CABIN1: variants seen among roughly 807,000 people sequenced by gnomAD.
The protein encoded by CABIN1 is calcineurin-binding protein cabin-1.
CABIN1 carries 133 observed loss-of-function variants against 227.7 expected under a neutral mutation model. That is an observed-to-expected ratio of 0.58 (90% confidence interval 0.51 to 0.67). CABIN1 has a LOEUF of 0.67. Among genes scored for constraint, CABIN1 ranks in the 30% least tolerant of loss-of-function variants. The probability of loss-of-function intolerance (pLI) is 0.00; values close to 1 mark genes in which losing one functional copy is unlikely to be tolerated. For missense variants in CABIN1, 2,408 were observed against 2,852.5 expected (o/e 0.84, Z 3.55); for synonymous variants, 1,086 against 1,155.1 (o/e 0.94, Z 1.21).
intron 3 of CABIN1, among the ~76,000 whole-genome samples, 198 bp from the exon 4 acceptor site, chr22:24,038,150 T>C (rs184202494): frequency 4.6e-5 from 7 of 152,350 alleles, no homozygotes; most frequent in Admixed American, 2.0e-4. Context: ...TAGGCATGAT[T>C]GATTAAATCA....
rs767931179 is a variant in CABIN1, at chr22:24,067,042, G to A, written c.2093G>A (p.Arg698Gln). Residue 698 changes from arginine to glutamine, a missense_variant, in exon 16 of 37, where the codon CGG (arginine) becomes CAG (glutamine). By Grantham distance (43) the Arg-to-Gln change is conservative. Coordinates refer to ENST00000263119, the MANE Select transcript of CABIN1 (RefSeq NM_012295.4). ...TGCCAGTCCCTGGAGGAGATTCAGCGGCTGTATGAAGCAGGCGACTACAAG... is the reference window on the plus strand; with the variant it reads ...TGCCAGTCCCTGGAGGAGATTCAGCAGCTGTATGAAGCAGGCGACTACAAG... ...ERCQSLEEIQ[R>Q]LYEAGDYKAV... 189 of 1,614,202 alleles carry A rather than the reference G, an allele frequency of 1.2e-4. No individual in the cohort carries two copies. Among genetic ancestry groups the A allele is most frequent in the East Asian group, 4.9e-4 (22 of 44,880 alleles).
chr22:24,178,043 C>G lies in CABIN1; in HGVS notation c.6520-10C>G. On this transcript the variant is annotated splice_polypyrimidine_tract_variant and intron_variant, in intron 36 of 36. Transcript: ENST00000263119. Reference sequence around the variant, plus strand: ...TCCTTGACCAGTGCCCCGCCCGGCCCTCTCCGCAGTCAGCCATCCTTTCTG... The same window carrying G: ...TCCTTGACCAGTGCCCCGCCCGGCCGTCTCCGCAGTCAGCCATCCTTTCTG... 1 of 1,613,486 alleles carries G rather than the reference C, an allele frequency of 6.2e-7. No individual in the cohort carries two copies. Among genetic ancestry groups the G allele is most frequent in the Non-Finnish European group, 8.5e-7 (1 of 1,179,934 alleles).
chr22:24,119,247 A>C, intron 27 of CABIN1, 120 bp from the exon 28 acceptor site: 1 of 872,864 alleles, frequency 1.1e-6, no homozygotes, highest in Non-Finnish European at 1.9e-6. Context: ...CCACTCAGCA[A>C]GGGCATTGAT....
At chr22:24,149,872 C>T (rs2045379609) in intron 29 of CABIN1, among the ~76,000 whole-genome samples, 1 of 152,234 alleles carries the variant, frequency 6.6e-6, no homozygotes, top group South Asian at 2.1e-4. Context: ...GCCTACCTGG[C>T]TATATTCAGA....
In CABIN1 at chr22:24,063,099, T is replaced by G. The variant is rs1004445802; in HGVS notation, c.1837T>G (p.Phe613Val). ...CCTGTTCGAGGATGGTTGGCTGGAG[T>G]TTGTGGTCCGTGTTTACTGGCTGAA... is the stretch of plus-strand genomic sequence containing the variant. ...RDLFEDGWLEFVVRVYWLKAR... is the reference protein window; with the variant it reads ...RDLFEDGWLEVVVRVYWLKAR... The change falls in exon 14 of 37, where the codon TTT (phenylalanine) becomes GTT (valine). Residue 613 changes from phenylalanine (F) to valine (V), a missense_variant. Phe to Val is a conservative substitution (Grantham distance 50, BLOSUM62 -1). Transcript: ENST00000263119. 3.1e-6 allele frequency: 5 copies of G among 1,613,886 alleles called. No individual in the cohort carries two copies. Among genetic ancestry groups the G allele is most frequent in the South Asian group, 2.2e-5 (2 of 91,066 alleles).
chr22:24,119,438 G>T lies in CABIN1; in HGVS notation c.4372G>T (p.Ala1458Ser). ...AGAGCAAGGTGTCCAGAAGCCTGCTGCAGAAACCCCAGCCTCTGCTTGCAT... is the reference window on the plus strand; with the variant it reads ...AGAGCAAGGTGTCCAGAAGCCTGCTTCAGAAACCCCAGCCTCTGCTTGCAT... ...AAEQGVQKPAAETPASACIPG... is the reference protein window; with the variant it reads ...AAEQGVQKPASETPASACIPG... The change falls in exon 28 of 37, where the codon GCA (alanine) becomes TCA (serine). Residue 1458 changes from alanine (A) to serine (S), a missense_variant. Coordinates refer to ENST00000263119, the MANE Select transcript of CABIN1 (RefSeq NM_012295.4). The T allele has an allele frequency of 6.2e-7, 1 of 1,614,092 alleles. No individual in the cohort carries two copies. The highest frequency in any genetic ancestry group is 2.2e-5 in the East Asian group (1 of 44,882).
intron 6 of CABIN1, among the ~76,000 whole-genome samples, chr22:24,047,435 C>T (rs1442975795): frequency 6.6e-6 from 1 of 152,198 alleles, no homozygotes; most frequent in African/African-American, 2.4e-5. Context: ...CATCCAAGTG[C>T]TCAGTGCCTT....
rs755635014 is a variant in CABIN1, at chr22:24,036,192, C to T, written c.96+11C>T. On this transcript the variant is annotated intron_variant, in intron 3 of 36. Transcript: ENST00000263119. ...ACAAAGGAGGCTCAGGTACGTAATG[C>T]GAGGTCTTCTCTGTAGGTGGACCTT... The T allele has an allele frequency of 3.3e-5, 53 of 1,583,176 alleles. No homozygotes were observed. Among genetic ancestry groups the T allele is most frequent in the Admixed American group, 6.7e-5 (4 of 59,914 alleles).
intron 24 of CABIN1, among the ~76,000 whole-genome samples, chr22:24,094,977 C>T (rs1220959335): frequency 6.6e-6 from 1 of 152,240 alleles, no homozygotes; most frequent in Non-Finnish European, 1.5e-5. Context: ...GCTTTGCCCT[C>T]CCCCAAGTTT....
At chr22:24,058,385 C>T (rs754464538) in intron 10 of CABIN1, among the ~76,000 whole-genome samples, 5 of 152,194 alleles carry the variant, frequency 3.3e-5, no homozygotes, top group Non-Finnish European at 7.3e-5. Flanking sequence ...GATGGAGTCA[C>T]CCTGGGAGTG....
At chr22:24,071,329 C>T (rs114206788) in intron 17 of CABIN1, 211 of 483,422 alleles carry the variant, frequency 4.4e-4, no homozygotes, top group African/African-American at 3.9e-3. Context: ...CGGGGAGGCC[C>T]TGGTCTGCCT....
chr22:24,149,832 T>C (rs2045377353), intron 29 of CABIN1, among the ~76,000 whole-genome samples: 2 of 152,198 alleles, frequency 1.3e-5, no homozygotes, highest in African/African-American at 4.8e-5. Context: ...CCACCATAGG[T>C]CCAGCTCTGA....
chr22:24,163,165 G>A (rs2046253838), intron 29 of CABIN1, among the ~76,000 whole-genome samples: 1 of 152,144 alleles, frequency 6.6e-6, no homozygotes, highest in Non-Finnish European at 1.5e-5. Context: ...GGTGGCTGCT[G>A]GCCTCCACAT....
chr22:24,153,350 G>A (rs2045602069), intron 29 of CABIN1, among the ~76,000 whole-genome samples: 2 of 152,314 alleles, frequency 1.3e-5, no homozygotes, highest in South Asian at 2.1e-4. Flanking sequence ...TCTCTCTGGG[G>A]CAGTGGTCAG....
At chr22:24,063,187 A>G (rs1348138539) in intron 14 of CABIN1, 41 bp downstream of exon 14, 2 of 1,600,680 alleles carry the variant, frequency 1.2e-6, no homozygotes, top group Non-Finnish European at 8.6e-7. Flanking sequence ...ATGCCCTGAC[A>G]CCCAGCAGGG....
intron 26 of CABIN1, among the ~76,000 whole-genome samples, chr22:24,105,471 A>G (rs1293293037): frequency 1.3e-5 from 2 of 152,216 alleles, no homozygotes; most frequent in Non-Finnish European, 2.9e-5. Flanking sequence ...ACATTCTGAA[A>G]AAAAGAGCAA....
intron 26 of CABIN1, among the ~76,000 whole-genome samples, chr22:24,108,809 GC>G (rs983945070): frequency 1.3e-5 from 2 of 152,016 alleles, no homozygotes; most frequent in African/African-American, 4.8e-5. Context: ...TGTCAATGTT[GC>G]CCCCCCATCT....
chr22:24,044,243 T>C (rs1427752957), intron 6 of CABIN1, among the ~76,000 whole-genome samples: 1 of 152,248 alleles, frequency 6.6e-6, no homozygotes, highest in Non-Finnish European at 1.5e-5. Context: ...GCGGCTCAGA[T>C]GATCTTTGAA....
intron 33 of CABIN1, among the ~76,000 whole-genome samples, chr22:24,171,352 G>A (rs1410787753): frequency 6.6e-6 from 1 of 152,212 alleles, no homozygotes; most frequent in Non-Finnish European, 1.5e-5. Flanking sequence ...TGGGTTGGGA[G>A]CTGCACCCAT....
Sources: gnomAD v4.1 joint callset for allele counts (sites outside exome capture counted in the v4.1 genomes callset) on GRCh38, gnomAD v4.1.1 for gene constraint, MANE v1.5 for transcripts, NCBI Gene and HGNC (gene_info 2026-07-23, HGNC 2026-07-21) for gene names.